P4HA1: variants seen among roughly 807,000 people sequenced by gnomAD.
The protein encoded by P4HA1 is prolyl 4-hydroxylase subunit alpha-1.
A neutral mutation model predicts 72.8 loss-of-function variants in P4HA1; 24 were observed. That is an observed-to-expected ratio of 0.33 (90% CI 0.24 to 0.46). The LOEUF is 0.46. P4HA1 is among the 20% of genes least tolerant of loss of function. P4HA1 has a pLI of 1.00. For synonymous variants in P4HA1, 201 were observed against 218.8 expected (o/e 0.92, Z 0.72); for missense variants, 446 against 640.6 (o/e 0.70, Z 3.28).
chr10:73,009,494 A>G, intron 14 of P4HA1: 1 of 186,900 alleles, frequency 5.4e-6, no homozygotes. Context: ...TTTTGTATTA[A>G]TATGTACTAC....
intron 2 of P4HA1, 121 bp from the exon 3 acceptor site, chr10:73,073,948 G>C: frequency 1.5e-6 from 1 of 667,170 alleles, no homozygotes; most frequent in Non-Finnish European, 2.7e-6. Context: ...CAGATATGCT[G>C]GAGACTATCT....
intron 1 of P4HA1, among the ~76,000 whole-genome samples, chr10:73,090,377 T>C (rs987311392): frequency 6.6e-5 from 10 of 152,198 alleles, no homozygotes; most frequent in African/African-American, 2.2e-4. Flanking sequence ...CAAGCAGTCC[T>C]CCTGCCTCGG....
intron 5 of P4HA1, among the ~76,000 whole-genome samples, chr10:73,065,930 T>G (rs2133121030): frequency 6.6e-6 from 1 of 152,200 alleles, no homozygotes; most frequent in East Asian, 1.9e-4. Flanking sequence ...ACTGAAAATA[T>G]TAGGTTAAAA....
At position 73,045,017 on chromosome 10, in the gene P4HA1, C is replaced by A. The variant is rs1840820399; in HGVS notation, c.1112G>T (p.Gly371Val). ...TCTGTAATGTACCGTCTCCAAGTCT[C>A]CTGTTATTGGGTTTGAAATGGTGGC... is the stretch of plus-strand genomic sequence containing the variant. Reference protein sequence around the residue: ...RRATISNPITGDLETVHYRIS... With the variant: ...RRATISNPITVDLETVHYRIS... The change falls in exon 9 of 15, where the codon GGA becomes GTA. Residue 371 changes from glycine (G) to valine (V), a missense_variant. By Grantham distance (109) the Gly-to-Val change is moderately radical. Coordinates refer to ENST00000394890, the MANE Select transcript of P4HA1 (RefSeq NM_001017962.3). 2 of 1,613,536 alleles carry A rather than the reference C, an allele frequency of 1.2e-6. No individual in the cohort carries two copies. Among genetic ancestry groups the A allele is most frequent in the South Asian group, 2.2e-5 (2 of 91,020 alleles).
chr10:73,061,386 A>G (rs1841309850), intron 5 of P4HA1, among the ~76,000 whole-genome samples: 1 of 152,214 alleles, frequency 6.6e-6, no homozygotes, highest in South Asian at 2.1e-4. Flanking sequence ...ATTCCACATA[A>G]CATATGACTA....
chr10:73,056,453 G>GAA, intron 5 of P4HA1, among the ~76,000 whole-genome samples: 1 of 151,866 alleles, frequency 6.6e-6, no homozygotes, highest in South Asian at 2.1e-4. Context: ...CCAACATGGT[G>GAA]AAACCCTGTC....
chr10:73,057,017 G>A (rs1841166587), intron 5 of P4HA1, among the ~76,000 whole-genome samples: 2 of 148,192 alleles, frequency 1.3e-5, no homozygotes, highest in Admixed American at 6.8e-5. Flanking sequence ...CCAAGATCAC[G>A]CCACTGCACT....
intron 1 of P4HA1, among the ~76,000 whole-genome samples, chr10:73,089,333 C>T (rs1841981425): frequency 6.6e-6 from 1 of 152,126 alleles, no homozygotes; most frequent in African/African-American, 2.4e-5. Context: ...TTCACTAGAG[C>T]TTTTTTGAAG....
chr10:73,080,756 G>A (rs966243978), intron 1 of P4HA1, among the ~76,000 whole-genome samples: 2 of 151,934 alleles, frequency 1.3e-5, no homozygotes, highest in East Asian at 1.9e-4. Flanking sequence ...GTGAAACCCC[G>A]TCTCTACTAA....
chr10:73,037,561 A>T (rs868736228), intron 9 of P4HA1, among the ~76,000 whole-genome samples: 390 of 33,394 alleles, frequency 0.012, 18 homozygotes, highest in African/African-American at 0.048. Context: ...ATATATATAT[A>T]TATATATATA....
Position 73,049,934 on chromosome 10 carries a change from C to T in P4HA1, c.900+1119G>A, listed in dbSNP as rs901902102. Among the ~76,000 whole-genome samples the T allele has an allele frequency of 4.6e-5, 7 of 152,074 alleles. No homozygotes were observed. The East Asian group carries it at 1.4e-3, about 29-fold the overall frequency. ...ATCCCAGCACTTTAGGAGGCCGAGG[C>T]GGGAGGATCACCTGAGGTCAGGAGT... On this transcript the variant is annotated intron_variant, in intron 7 of 14. Transcript: ENST00000394890.
intron 9 of P4HA1, among the ~76,000 whole-genome samples, chr10:73,040,872 G>C (rs1001999231): frequency 3.9e-5 from 6 of 152,060 alleles, no homozygotes; most frequent in Admixed American, 1.3e-4. Flanking sequence ...GCAATAATCT[G>C]ATAAAATCTG....
chr10:73,024,472 C>A (rs962942527), intron 10 of P4HA1, among the ~76,000 whole-genome samples: 1 of 152,212 alleles, frequency 6.6e-6, no homozygotes, highest in African/African-American at 2.4e-5. Flanking sequence ...GTACCAGAAT[C>A]TCTGGGACAC....
intron 8 of P4HA1, among the ~76,000 whole-genome samples, chr10:73,045,779 T>C (rs970007398): frequency 7.3e-5 from 11 of 151,600 alleles, no homozygotes; most frequent in African/African-American, 2.7e-4. Flanking sequence ...TATAACTTGA[T>C]CTCCAAGTTG....
At chr10:73,042,645 ATC>A (rs1016506268) in intron 9 of P4HA1, among the ~76,000 whole-genome samples, 3 of 149,802 alleles carry the variant, frequency 2.0e-5, no homozygotes, top group African/African-American at 7.5e-5. Flanking sequence ...GACATTTTAC[ATC>A]TTTTTTTTTT....
intron 1 of P4HA1, among the ~76,000 whole-genome samples, chr10:73,088,014 T>C (rs1449102665): frequency 6.6e-6 from 1 of 152,214 alleles, no homozygotes; most frequent in Non-Finnish European, 1.5e-5. Context: ...TTTTGTCCTA[T>C]GTTTTCTTTC....
chr10:73,049,969 G>A (rs1840977237), intron 7 of P4HA1, among the ~76,000 whole-genome samples: 1 of 152,030 alleles, frequency 6.6e-6, no homozygotes, highest in South Asian at 2.1e-4. Context: ...TTTGAGACCA[G>A]CCTGGCCAAC....
intron 1 of P4HA1, among the ~76,000 whole-genome samples, chr10:73,094,838 T>C (rs959779511): frequency 6.6e-6 from 1 of 152,150 alleles, no homozygotes; most frequent in African/African-American, 2.4e-5. Context: ...TTTGCACTAA[T>C]TTTTTTGGCA....
intron 10 of P4HA1, among the ~76,000 whole-genome samples, chr10:73,018,225 G>A (rs181354421): frequency 7.3e-4 from 111 of 152,210 alleles, no homozygotes; most frequent in African/African-American, 2.5e-3. Flanking sequence ...CCCATGAGAT[G>A]TCTGGGCCAC....
Sources: gnomAD v4.1 joint callset for allele counts (sites outside exome capture counted in the v4.1 genomes callset) on GRCh38, gnomAD v4.1.1 for gene constraint, MANE v1.5 for transcripts, NCBI Gene and HGNC (gene_info 2026-07-23, HGNC 2026-07-21) for gene names.